The following RNF144B variants were observed in gnomAD, a reference collection of about 807,000 sequenced individuals.
RNF144B encodes ring finger protein 144B.
In RNF144B, 25 loss-of-function variants were observed where a neutral mutation model predicts 40.2. That is an observed-to-expected ratio of 0.62 (90% CI 0.45 to 0.87). The LOEUF (loss-of-function observed/expected upper bound fraction) is 0.87. Among genes scored for constraint, RNF144B ranks in the 40% least tolerant of loss-of-function variants. RNF144B has a pLI of 0.00. For synonymous variants in RNF144B, 145 were observed against 136.3 expected (o/e 1.06, Z -0.44); for missense variants, 365 against 373.7 (o/e 0.98, Z 0.19).
At chr6:18,429,185 G>A (rs912793806) in intron 3 of RNF144B, among the ~76,000 whole-genome samples, 4 of 152,016 alleles carry the variant, frequency 2.6e-5, no homozygotes, top group Non-Finnish European at 5.9e-5. Context: ...GCAATAGAGT[G>A]AGATTTCATC....
At chr6:18,452,863 T>C (rs1759239394) in intron 4 of RNF144B, among the ~76,000 whole-genome samples, 1 of 151,866 alleles carries the variant, frequency 6.6e-6, no homozygotes. Context: ...CAGCTCACTG[T>C]ACCTTCTGCC....
In RNF144B at chr6:18,447,437, A is replaced by C. The variant is rs746660039; in HGVS notation, c.331+7693A>C. On this transcript the variant is annotated intron_variant, in intron 4 of 7. Coordinates refer to ENST00000259939, the MANE Select transcript of RNF144B (RefSeq NM_182757.4). This position sits in a 1 kb window ranked among gnomAD's most constrained non-coding sequence, Gnocchi z 5.6. ...CCTGATCCCATAGATTATGAAGATG[A>C]AGTCTTAGTGGGATGAGAAGCCATT... 1.3e-5 allele frequency among the ~76,000 whole-genome samples: 2 copies of C among 152,150 alleles called. No homozygotes were observed. The highest frequency in any genetic ancestry group is 2.9e-5 in the Non-Finnish European group (2 of 68,032).
intron 3 of RNF144B, among the ~76,000 whole-genome samples, chr6:18,430,352 C>T (rs1758665340): frequency 6.6e-6 from 1 of 152,184 alleles, no homozygotes; most frequent in Non-Finnish European, 1.5e-5. Context: ...TAGGCACTGA[C>T]ATTTTGAGTA....
chr6:18,427,521 A>C, intron 2 of RNF144B, 60 bp from the exon 3 acceptor site: 1 of 1,161,230 alleles, frequency 8.6e-7, no homozygotes, highest in Non-Finnish European at 1.3e-6. Flanking sequence ...TGGTTCTGTT[A>C]TGTAACCTTT....
intron 3 of RNF144B, among the ~76,000 whole-genome samples, chr6:18,433,289 C>T (rs767510269): frequency 2.0e-5 from 3 of 152,140 alleles, no homozygotes; most frequent in African/African-American, 7.2e-5. Flanking sequence ...GGCTGCAATA[C>T]GTGTTGGCTG....
rs496519 is a variant in RNF144B, at chr6:18,446,516, G to A, written c.331+6772G>A. On this transcript the variant is annotated intron_variant, in intron 4 of 7. Transcript: ENST00000259939. The surrounding 1 kb of genome is among the most constrained non-coding windows in gnomAD (Gnocchi z 4.7). The stretch of plus-strand genomic sequence containing the variant: ...TGCTGTTCTCTGGAAACACCTGAAT[G>A]TAGGGCTGAACAAAATAGAACTTGG... Among the ~76,000 whole-genome samples the A allele has an allele frequency of 0.18, 28,068 of 152,142 alleles. 2,859 individuals are homozygous for A. The highest frequency in any genetic ancestry group is 0.26 in the East Asian group (1,320 of 5,162).
rs72832479 is a variant in RNF144B, at chr6:18,447,249, C to A, written c.331+7505C>A. Among the ~76,000 whole-genome samples the A allele has an allele frequency of 6.6e-6, 1 of 151,932 alleles. No individual in the cohort carries two copies. The highest frequency in any genetic ancestry group is 1.5e-5 in the Non-Finnish European group (1 of 68,004). On this transcript the variant is annotated intron_variant, in intron 4 of 7. Transcript: ENST00000259939. This position sits in a 1 kb window ranked among gnomAD's most constrained non-coding sequence, Gnocchi z 5.6. ...TGTGAGCAAGCCATATGGATACTTA[C>A]GGGAAGAACATCATTTCAGGCAGAG...
chr6:18,443,107 G>A lies in RNF144B; in HGVS notation c.331+3363G>A, dbSNP rs974807474. ...TTAGTTTTTGAGGAACTGCCAAATT[G>A]TAAAACCCTATAATTTAAATATAAA... On this transcript the variant is annotated intron_variant, in intron 4 of 7. Coordinates refer to ENST00000259939, the MANE Select transcript of RNF144B (RefSeq NM_182757.4). The surrounding 1 kb of genome is among the most constrained non-coding windows in gnomAD (Gnocchi z 4.7). Among the ~76,000 whole-genome samples the A allele has an allele frequency of 2.0e-5, 3 of 152,266 alleles. No individual in the cohort carries two copies. Among genetic ancestry groups the A allele is most frequent in the South Asian group, 2.1e-4 (1 of 4,830 alleles).
At position 18,422,997 on chromosome 6, in the gene RNF144B, C is replaced by T. The variant is rs934706379; in HGVS notation, c.166-4584C>T. Reference sequence around the variant, plus strand: ...TAATGGCACTCATTACCTCCTTCCTCTCAACAGTACCTATTCTCTTACCTA... The same window carrying T: ...TAATGGCACTCATTACCTCCTTCCTTTCAACAGTACCTATTCTCTTACCTA... On this transcript the variant is annotated intron_variant, in intron 2 of 7. Transcript: ENST00000259939. The surrounding 1 kb of genome is among the most constrained non-coding windows in gnomAD (Gnocchi z 4.7). Among the ~76,000 whole-genome samples, 1 of 151,952 alleles carries T rather than the reference C, an allele frequency of 6.6e-6. No homozygotes were observed. The highest frequency in any genetic ancestry group is 1.5e-5 in the Non-Finnish European group (1 of 68,004).
At chr6:18,426,862 C>T (rs2113498212) in intron 2 of RNF144B, among the ~76,000 whole-genome samples, 1 of 150,430 alleles carries the variant, frequency 6.6e-6, no homozygotes, top group Admixed American at 6.6e-5. Flanking sequence ...AATTTCTTCT[C>T]TGGGTTTATT....
intron 1 of RNF144B, 53 bp downstream of exon 1, chr6:18,387,683 G>GTTT: frequency 7.9e-7 from 1 of 1,258,872 alleles, no homozygotes; most frequent in South Asian, 1.3e-5. Flanking sequence ...CCGGAATGGT[G>GTTT]TTGCTGGACT....
Position 18,464,946 on chromosome 6 carries a change from G to C in RNF144B, c.791G>C (p.Gly264Ala), listed in dbSNP as rs1463950706. 6.2e-7 allele frequency: 1 copy of C among 1,613,986 alleles called. No homozygotes were observed. Among genetic ancestry groups the C allele is most frequent in the Admixed American group, 1.7e-5 (1 of 60,000 alleles). ...NRTQVVGILVGLGIIALVTSP... is the reference protein window; with the variant it reads ...NRTQVVGILVALGIIALVTSP... ...TTCCAGGTGGTGGGGATTCTCGTAG[G>C]CTTGGGCATCATTGCCTTGGTTACT... The change falls in exon 8 of 8, where the codon GGC (glycine) becomes GCC (alanine). Residue 264 changes from glycine (G) to alanine (A), a missense_variant. Physicochemically the swap from Gly to Ala is moderately conservative, Grantham distance 60. Transcript: ENST00000259939. This position sits in a 1 kb window ranked among gnomAD's most constrained non-coding sequence, Gnocchi z 6.1.
At chr6:18,408,678 T>C (rs981710034) in intron 2 of RNF144B, among the ~76,000 whole-genome samples, 2 of 152,112 alleles carry the variant, frequency 1.3e-5, no homozygotes, top group African/African-American at 2.4e-5. Flanking sequence ...GGGCCCTTCC[T>C]ACCTTGAGAG....
intron 1 of RNF144B, among the ~76,000 whole-genome samples, chr6:18,391,468 T>A (rs1299705538): frequency 6.6e-6 from 1 of 152,196 alleles, no homozygotes; most frequent in Non-Finnish European, 1.5e-5. Flanking sequence ...ACTCCCACCT[T>A]CTTTGATAAG....
At chr6:18,451,944 C>T (rs997177065) in intron 4 of RNF144B, among the ~76,000 whole-genome samples, 5 of 152,094 alleles carry the variant, frequency 3.3e-5, no homozygotes, top group Admixed American at 1.3e-4. Context: ...CGATGACTTT[C>T]GAAATTTGAG....
chr6:18,431,360 T>C (rs765532546), intron 3 of RNF144B, among the ~76,000 whole-genome samples: 1 of 152,246 alleles, frequency 6.6e-6, no homozygotes, highest in Non-Finnish European at 1.5e-5. Context: ...GAAGATTATA[T>C]TGGAGATATG....
rs1433133193 is a variant in RNF144B at position 18,468,668 on chromosome 6, G to A, written c.*3601G>A. The A allele has an allele frequency of 6.6e-6, 1 of 152,184 alleles. No individual in the cohort carries two copies. Among genetic ancestry groups the A allele is most frequent in the Non-Finnish European group, 1.5e-5 (1 of 68,032 alleles). 9.4% of individuals were successfully genotyped at this position (152,184 alleles called of 1,614,324 possible). A position where few individuals can be genotyped will look rare whatever the true frequency, so the allele number is the denominator to read the frequency against. ...GTCATGTGTGTATGTGTAGCTTTAA[G>A]GGCAATTTCAGAAATGCATTAGATG... On this transcript the variant is annotated 3_prime_UTR_variant, in exon 8 of 8. Transcript: ENST00000259939.
chr6:18,391,284 A>C (rs1422544138), intron 1 of RNF144B, among the ~76,000 whole-genome samples: 5 of 152,154 alleles, frequency 3.3e-5, no homozygotes, highest in African/African-American at 1.2e-4. Context: ...TTGTTATGCC[A>C]GGCATAGGGA....
chr6:18,463,689 C>T (rs1759517826), intron 7 of RNF144B, among the ~76,000 whole-genome samples: 2 of 152,206 alleles, frequency 1.3e-5, no homozygotes, highest in African/African-American at 4.8e-5. Flanking sequence ...TTTCCTAAAG[C>T]CCTTTAAGGC....
Sources: gnomAD v4.1 joint callset for allele counts (sites outside exome capture counted in the v4.1 genomes callset) on GRCh38, gnomAD v4.1.1 for gene constraint, Gnocchi (gnomAD v3.1) non-coding constraint, MANE v1.5 for transcripts, NCBI Gene and HGNC (gene_info 2026-07-23, HGNC 2026-07-21) for gene names.